The following RTN4R variants were observed in gnomAD, a reference collection of about 807,000 sequenced individuals.
The protein encoded by RTN4R is reticulon-4 receptor.
In RTN4R, 4 loss-of-function variants were observed where a neutral mutation model predicts 27.7. The ratio of observed to expected loss-of-function variants is 0.14; its 90% confidence interval spans 0.07 to 0.33. RTN4R has a LOEUF of 0.33. RTN4R is among the 10% of genes least tolerant of loss of function. The probability of loss-of-function intolerance (pLI) is 1.00; values close to 1 mark genes in which losing one functional copy is unlikely to be tolerated. For missense variants in RTN4R, 554 were observed against 671.5 expected, an observed-to-expected ratio of 0.83 and a Z score of 1.93; for synonymous variants, 290 against 305.6, an observed-to-expected ratio of 0.95 and a Z score of 0.53.
At chr22:20,256,164 C>T (rs2051211219) in intron 1 of RTN4R, among the ~76,000 whole-genome samples, 2 of 152,318 alleles carry the variant, frequency 1.3e-5, no homozygotes, top group African/African-American at 4.8e-5. Context: ...GGAAGGGGGT[C>T]AGCTGCCCTC....
chr22:20,242,718 G>C lies in RTN4R; in HGVS notation c.415C>G (p.Arg139Gly), dbSNP rs1332111039. The C allele has an allele frequency of 6.2e-7, 1 of 1,612,530 alleles. No homozygotes were observed. The highest frequency in any genetic ancestry group is 8.5e-7 in the Non-Finnish European group (1 of 1,179,652). ...GGGCCCAGCTCCTGCAGGCCGCAGCGGTCCAGGTGCAGCGTGTGTAGGCGG... is the reference window on the plus strand; with the variant it reads ...GGGCCCAGCTCCTGCAGGCCGCAGCCGTCCAGGTGCAGCGTGTGTAGGCGG... ...LGRLHTLHLD[R>G]CGLQELGPGL... The change falls in exon 2 of 2, where the codon CGC becomes GGC. Residue 139 changes from arginine to glycine, a missense_variant. Transcript: ENST00000043402.
chr22:20,248,547 C>T (rs965375810), intron 1 of RTN4R, among the ~76,000 whole-genome samples: 3 of 152,242 alleles, frequency 2.0e-5, no homozygotes, highest in African/African-American at 7.2e-5. Context: ...CATCCACTCG[C>T]TTGGCCCTCC....
chr22:20,259,791 G>A (rs753357955), intron 1 of RTN4R, among the ~76,000 whole-genome samples: 1 of 152,170 alleles, frequency 6.6e-6, no homozygotes, highest in Non-Finnish European at 1.5e-5. Flanking sequence ...CACCCCCGCT[G>A]CCACTCCTAG....
intron 1 of RTN4R, among the ~76,000 whole-genome samples, chr22:20,257,188 G>A (rs2051216913): frequency 6.6e-6 from 1 of 152,258 alleles, no homozygotes; most frequent in Non-Finnish European, 1.5e-5. Context: ...AGCCCATGAG[G>A]CAACGGATGT....
At chr22:20,250,158 A>G (rs1430226186) in intron 1 of RTN4R, among the ~76,000 whole-genome samples, 1 of 152,244 alleles carries the variant, frequency 6.6e-6, no homozygotes, top group Non-Finnish European at 1.5e-5. Context: ...AGCCAAGGCC[A>G]GAGCTCCGTG....
intron 1 of RTN4R, among the ~76,000 whole-genome samples, chr22:20,265,509 G>A (rs760482915): frequency 3.3e-5 from 5 of 152,182 alleles, no homozygotes; most frequent in Admixed American, 6.5e-5. Context: ...CTACGTTTCT[G>A]CCAGTCCCAG....
intron 1 of RTN4R, among the ~76,000 whole-genome samples, chr22:20,254,562 G>A (rs551160068): frequency 1.3e-5 from 2 of 151,230 alleles, no homozygotes; most frequent in Middle Eastern, 3.4e-3. Flanking sequence ...ATTCTAGACC[G>A]AAACAATCCA....
At chr22:20,252,301 G>A (rs974404085) in intron 1 of RTN4R, among the ~76,000 whole-genome samples, 1 of 152,200 alleles carries the variant, frequency 6.6e-6, no homozygotes, top group Non-Finnish European at 1.5e-5. Flanking sequence ...GTACTGGGTC[G>A]ACACCAGATA....
chr22:20,263,414 A>G (rs2145985800), intron 1 of RTN4R, among the ~76,000 whole-genome samples: 1 of 152,366 alleles, frequency 6.6e-6, no homozygotes, highest in South Asian at 2.1e-4. Context: ...GAGCACCATC[A>G]GCACCATTTA....
rs533862138 is a variant in RTN4R, at chr22:20,262,747, G to A, written c.22+5324C>T. The stretch of plus-strand genomic sequence containing the variant: ...GCCGTGGACTGCAGAGAGGCCTACG[G>A]TGACCAGGAAGGGTGGAGCTGCCCA... On this transcript the variant is annotated intron_variant, in intron 1 of 1. Coordinates refer to ENST00000043402, the MANE Select transcript of RTN4R (RefSeq NM_023004.6). Among the ~76,000 whole-genome samples, 4 of 152,336 alleles carry A rather than the reference G, an allele frequency of 2.6e-5. No homozygotes were observed. The South Asian group carries it at 6.2e-4, about 24-fold the overall frequency.
Position 20,242,191 on chromosome 22 carries a change from G to T in RTN4R, c.942C>A (p.Gly314=), listed in dbSNP as rs1187188907. The change falls in exon 2 of 2, where the codon GGC becomes GGA. Residue 314 remains glycine (G), a synonymous_variant. Coordinates refer to ENST00000043402, the MANE Select transcript of RTN4R (RefSeq NM_023004.6). Reference sequence around the variant, plus strand: ...TGCCGGTCCAGATGGGATGGTAAGGGCCGGTGGCCACAGCGCAGCCCTGCA... The same window carrying T: ...TGCCGGTCCAGATGGGATGGTAAGGTCCGGTGGCCACAGCGCAGCCCTGCA... ...NDLQGCAVAT[G]PYHPIWTGRA... 2.5e-6 allele frequency: 4 copies of T among 1,610,620 alleles called. No homozygotes were observed. In the African/African-American group the frequency reaches 5.3e-5, roughly 22 times the overall value.
chr22:20,264,989 G>A (rs855056), intron 1 of RTN4R, among the ~76,000 whole-genome samples: 63,935 of 152,020 alleles, frequency 0.42, 15,117 homozygotes, highest in East Asian at 0.89. Context: ...GAAACTCCCC[G>A]TGTGCTTCCT....
chr22:20,263,800 C>A (rs1053982038), intron 1 of RTN4R, among the ~76,000 whole-genome samples: 3 of 152,280 alleles, frequency 2.0e-5, no homozygotes, highest in Admixed American at 6.5e-5. Flanking sequence ...CTGTGGGTTG[C>A]CTCCATCGGA....
intron 1 of RTN4R, among the ~76,000 whole-genome samples, chr22:20,245,225 C>T (rs1386467256): frequency 1.3e-5 from 2 of 152,146 alleles, no homozygotes; most frequent in East Asian, 1.9e-4. Flanking sequence ...GGGTATTGGG[C>T]GCAAAGACAC....
rs2051290728 is a variant in RTN4R at position 20,268,174 on chromosome 22, C to T, written c.-82G>A. On this transcript the variant is annotated 5_prime_UTR_variant, in exon 1 of 2. Coordinates refer to ENST00000043402, the MANE Select transcript of RTN4R (RefSeq NM_023004.6). ...GTCTCCCCGCGGCCGGGTCCGCATCCAGGCGCCGCCGCTACGGCCCGGCCC... is the reference window on the plus strand; with the variant it reads ...GTCTCCCCGCGGCCGGGTCCGCATCTAGGCGCCGCCGCTACGGCCCGGCCC... The T allele has an allele frequency of 5.7e-6, 4 of 697,268 alleles. No homozygotes were observed. Among genetic ancestry groups the T allele is most frequent in the Admixed American group, 5.6e-5 (1 of 17,930 alleles). 43.2% of individuals were successfully genotyped at this position (697,268 alleles called of 1,614,324 possible).
chr22:20,263,633 A>G (rs2904568), intron 1 of RTN4R, among the ~76,000 whole-genome samples: 1 of 152,220 alleles, frequency 6.6e-6, no homozygotes, highest in African/African-American at 2.4e-5. Flanking sequence ...AGATCAGCCC[A>G]GCTCCATGTG....
intron 1 of RTN4R, among the ~76,000 whole-genome samples, chr22:20,243,913 G>A (rs2051125044): frequency 6.6e-6 from 1 of 152,030 alleles, no homozygotes; most frequent in African/African-American, 2.4e-5. Context: ...CCATTACAGG[G>A]CCAGATACAC....
intron 1 of RTN4R, among the ~76,000 whole-genome samples, chr22:20,247,863 A>T (rs2051150970): frequency 6.6e-6 from 1 of 152,184 alleles, no homozygotes. Flanking sequence ...GCTGTGGGGG[A>T]AACTGAGGCC....
intron 1 of RTN4R, among the ~76,000 whole-genome samples, chr22:20,260,171 G>A (rs1273537013): frequency 1.3e-5 from 2 of 152,164 alleles, no homozygotes; most frequent in Non-Finnish European, 2.9e-5. Context: ...CAGTCCTGCT[G>A]TTGTCTCACG....
Sources: gnomAD v4.1 joint callset for allele counts (sites outside exome capture counted in the v4.1 genomes callset) on GRCh38, gnomAD v4.1.1 for gene constraint, MANE v1.5 for transcripts, NCBI Gene and HGNC (gene_info 2026-07-23, HGNC 2026-07-21) for gene names.